CHCHD4: variants seen among roughly 807,000 people sequenced by gnomAD.
CHCHD4 encodes the protein coiled-coil-helix-coiled-coil-helix domain containing 4.
CHCHD4 carries 7 observed loss-of-function variants against 12.4 expected under a neutral mutation model. The ratio of observed to expected loss-of-function variants is 0.57; its 90% CI spans 0.32 to 1.06. The LOEUF is 1.06. CHCHD4 is among the 50% of genes least tolerant of loss of function. The pLI, the probability that CHCHD4 is intolerant of heterozygous loss-of-function variation, is 0.04. For synonymous variants in CHCHD4, 56 were observed against 58.0 expected, an observed-to-expected ratio of 0.97 and a Z score of 0.16; for missense variants, 143 against 175.1, an observed-to-expected ratio of 0.82 and a Z score of 1.03.
chr3:14,122,057 C>T (rs1264821056), intron 1 of CHCHD4: 4 of 1,606,168 alleles, frequency 2.5e-6, no homozygotes, highest in East Asian at 2.2e-5. Context: ...GGGGAATAGA[C>T]ATTCCAGAAG....
In CHCHD4 at chr3:14,124,749, TCTC is replaced by T; in HGVS notation, c.-76_-74del. The T allele has an allele frequency of 6.8e-7, 1 of 1,465,140 alleles. No individual in the cohort carries two copies. Among genetic ancestry groups the T allele is most frequent in the Non-Finnish European group, 9.1e-7 (1 of 1,097,214 alleles). The allele number at this position is 1,465,140 out of a possible 1,614,324, so 90.8% of individuals were successfully genotyped here. On this transcript the variant is annotated 5_prime_UTR_variant, in exon 1 of 3. Coordinates refer to ENST00000396914, the MANE Select transcript of CHCHD4 (RefSeq NM_001098502.2). ...CTGCACCTTTACGCCGTGACCTCCCTCTCCTCTGGCAGGGCGGGCTCCTCCGAA... is the reference window on the plus strand; with the variant it reads ...CTGCACCTTTACGCCGTGACCTCCCTCTCTGGCAGGGCGGGCTCCTCCGAA...
At chr3:14,124,550 C>T in intron 1 of CHCHD4, 105 bp downstream of exon 1, 1 of 1,072,840 alleles carries the variant, frequency 9.3e-7, no homozygotes. Context: ...GCACCTGGGC[C>T]GCGCCTCAGG....
Position 14,112,857 on chromosome 3 carries a change from G to A in CHCHD4, c.*30C>T. Reference sequence around the variant, plus strand: ...CTTTTGCAAAAGGTCCACTCCAAAAGGACTGGTGCCCAGTGCCTTGTGGCC... The same window carrying A: ...CTTTTGCAAAAGGTCCACTCCAAAAAGACTGGTGCCCAGTGCCTTGTGGCC... On this transcript the variant is annotated 3_prime_UTR_variant, in exon 3 of 3. Coordinates refer to ENST00000396914, the MANE Select transcript of CHCHD4 (RefSeq NM_001098502.2). 27 of 1,578,784 alleles carry A rather than the reference G, an allele frequency of 1.7e-5. No individual in the cohort carries two copies. The highest frequency in any genetic ancestry group is 2.2e-5 in the Non-Finnish European group (26 of 1,162,060).
chr3:14,122,217 C>T, intron 1 of CHCHD4: 1 of 1,288,348 alleles, frequency 7.8e-7, no homozygotes. Context: ...CCCCATAGAG[C>T]CTTTCACTAA....
intron 1 of CHCHD4, among the ~76,000 whole-genome samples, chr3:14,118,555 A>G (rs1392334348): frequency 2.0e-5 from 3 of 152,360 alleles, no homozygotes; most frequent in Non-Finnish European, 4.4e-5. Context: ...GGTCTCTTAC[A>G]CTAGAACAGA....
chr3:14,123,032 GA>G (rs2124979063), intron 1 of CHCHD4, among the ~76,000 whole-genome samples: 1 of 147,066 alleles, frequency 6.8e-6, no homozygotes, highest in Admixed American at 6.8e-5. Context: ...AAGCATAAAG[GA>G]TCAGTGGGGG....
At position 14,112,911 on chromosome 3, in the gene CHCHD4, G is replaced by GGTT; in HGVS notation, c.402_404dup (p.Thr135dup). The stretch of plus-strand genomic sequence containing the variant: ...ATTAACTTGATCCCTCCTCTTCTTT[G>GGTT]GTTGCAGTGGCCTCAATGGGAGCTG... On this transcript the variant is annotated inframe_insertion, in exon 3 of 3. Transcript: ENST00000396914. 1 of 1,612,468 alleles carries GGTT rather than the reference G, an allele frequency of 6.2e-7. No homozygotes were observed. Among genetic ancestry groups the GGTT allele is most frequent in the Non-Finnish European group, 8.5e-7 (1 of 1,179,340 alleles).
At chr3:14,122,856 G>A (rs1010250651) in intron 1 of CHCHD4, among the ~76,000 whole-genome samples, 4 of 152,190 alleles carry the variant, frequency 2.6e-5, no homozygotes, top group Admixed American at 6.5e-5. Flanking sequence ...AGTCAGCCAC[G>A]GAAGAGCTGA....
At chr3:14,119,303 G>A (rs1012878765) in intron 1 of CHCHD4, 5 of 152,202 alleles carry the variant, frequency 3.3e-5, no homozygotes, top group African/African-American at 2.4e-5. Context: ...ATTTTACAGA[G>A]ACCACAGGAT....
chr3:14,120,104 C>T (rs1057319025), intron 1 of CHCHD4, among the ~76,000 whole-genome samples: 1 of 152,158 alleles, frequency 6.6e-6, no homozygotes, highest in East Asian at 1.9e-4. Context: ...TCAGTCCCCA[C>T]CCCAGAACCT....
chr3:14,121,728 T>C (rs1384430550), intron 1 of CHCHD4, among the ~76,000 whole-genome samples: 1 of 152,198 alleles, frequency 6.6e-6, no homozygotes, highest in African/African-American at 2.4e-5. Context: ...TGTGGTGTAT[T>C]TTGAGTGAGG....
intron 2 of CHCHD4, among the ~76,000 whole-genome samples, chr3:14,113,728 A>G (rs1694845820): frequency 6.6e-6 from 1 of 152,170 alleles, no homozygotes; most frequent in African/African-American, 2.4e-5. Context: ...TGACGAAGAA[A>G]GATGTCCAAG....
rs1694989957 is a variant in CHCHD4 at position 14,124,776 on chromosome 3, A to T, written c.-100T>A. On this transcript the variant is annotated 5_prime_UTR_variant, in exon 1 of 3. Transcript: ENST00000396914. ...TCCTCTGGCAGGGCGGGCTCCTCCG[A>T]AGCCCGCGCGGACCCGCCCCCTCCC... 13 of 1,353,074 alleles carry T rather than the reference A, an allele frequency of 9.6e-6. No homozygotes were observed. In the South Asian group the frequency reaches 1.6e-4, roughly 17 times the overall value. The allele number at this position is 1,353,074 out of a possible 1,614,324, so 83.8% of individuals were successfully genotyped here. A position where few individuals can be genotyped will look rare whatever the true frequency, so the allele number is the denominator to read the frequency against.
intron 1 of CHCHD4, among the ~76,000 whole-genome samples, chr3:14,117,876 G>A (rs564048396): frequency 3.3e-5 from 5 of 152,142 alleles, no homozygotes; most frequent in African/African-American, 9.7e-5. Context: ...ATACTGCCCC[G>A]CACCAACATT....
chr3:14,114,028 A>G (rs1352104621), intron 2 of CHCHD4, among the ~76,000 whole-genome samples: 1 of 152,186 alleles, frequency 6.6e-6, no homozygotes, highest in East Asian at 1.9e-4. Context: ...AGTTTCTTAC[A>G]TGATTCTTAT....
intron 1 of CHCHD4, among the ~76,000 whole-genome samples, chr3:14,116,893 G>C (rs1361529187): frequency 6.6e-6 from 1 of 152,236 alleles, no homozygotes; most frequent in Non-Finnish European, 1.5e-5. Context: ...GCCTCTGAAA[G>C]GCTGAGGACA....
Position 14,112,759 on chromosome 3 carries a change from A to C in CHCHD4, c.*128T>G, listed in dbSNP as rs983291967. ...CAAGACCTCAAGACCTCTGATCATC[A>C]AAATAAGTTATTTTGTATATTATAA... On this transcript the variant is annotated 3_prime_UTR_variant, in exon 3 of 3. Coordinates refer to ENST00000396914, the MANE Select transcript of CHCHD4 (RefSeq NM_001098502.2). The C allele has an allele frequency of 1.4e-5, 13 of 897,478 alleles. No homozygotes were observed. Among genetic ancestry groups the C allele is most frequent in the African/African-American group, 3.4e-5 (2 of 59,560 alleles). The allele number at this position is 897,478 out of a possible 1,614,324, so 55.6% of individuals were successfully genotyped here.
At chr3:14,124,457 T>TC (rs1489089316) in intron 1 of CHCHD4, among the ~76,000 whole-genome samples, 198 bp downstream of exon 1, 2 of 151,790 alleles carry the variant, frequency 1.3e-5, no homozygotes, top group African/African-American at 4.8e-5. Flanking sequence ...CCAGCCCCGT[T>TC]CCCCCCAGAG....
At chr3:14,120,172 T>C (rs1694917801) in intron 1 of CHCHD4, among the ~76,000 whole-genome samples, 1 of 151,808 alleles carries the variant, frequency 6.6e-6, no homozygotes, top group African/African-American at 2.4e-5. Flanking sequence ...GACTTCAGGG[T>C]GGGGCTGAGA....
Sources: allele counts gnomAD v4.1 joint callset (sites outside exome capture counted in the v4.1 genomes callset), GRCh38; gene constraint gnomAD v4.1.1; transcripts MANE v1.5; gene names NCBI Gene and HGNC (gene_info 2026-07-23, HGNC 2026-07-21).